The following PIK3R6 variants were observed in gnomAD, a reference collection of about 807,000 sequenced individuals.
PIK3R6 encodes phosphoinositide-3-kinase regulatory subunit 6.
PIK3R6 carries 91 observed loss-of-function variants against 84.9 expected under a neutral mutation model. The ratio of observed to expected loss-of-function variants is 1.07; its 90% CI spans 0.90 to 1.28. The LOEUF is 1.28. Among genes scored for constraint, PIK3R6 ranks in the 50% most tolerant of loss-of-function variants. PIK3R6 has a pLI of 0.00. For synonymous variants in PIK3R6, 416 were observed against 411.4 expected (o/e 1.01, Z -0.13); for missense variants, 996 against 985.1 (o/e 1.01, Z -0.15).
intron 18 of PIK3R6, among the ~76,000 whole-genome samples, chr17:8,805,917 C>CA (rs56856038): frequency 0.03 from 4,035 of 134,624 alleles, 123 homozygotes; most frequent in African/African-American, 0.078. Flanking sequence ...GACTCTGTCT[C>CA]AAAAAAAAAA....
chr17:8,834,100 T>C (rs2088366002), intron 8 of PIK3R6, among the ~76,000 whole-genome samples: 1 of 136,970 alleles, frequency 7.3e-6, no homozygotes, highest in South Asian at 2.3e-4. Context: ...GAGCTTGCAG[T>C]GAGCCGAGAT....
chr17:8,803,289 G>C lies in PIK3R6; in HGVS notation c.2249C>G (p.Ser750Cys). ...CCTGCAGGCTCACTGGACAATACCA[G>C]AGAATGTGTTGATGGGCATCAGAAG... is the stretch of plus-strand genomic sequence containing the variant. The part of the protein sequence containing the change: ...KPLLMPINTF[S>C]GIVQ The change falls in exon 20 of 20, where the codon TCT (serine) becomes TGT (cysteine). Residue 750 changes from serine to cysteine, a missense_variant. Physicochemically the swap from Ser to Cys is moderately radical, Grantham distance 112. Transcript: ENST00000619866. The surrounding 1 kb of genome is among the most constrained non-coding windows in gnomAD (Gnocchi z 5.0). 6.2e-7 allele frequency: 1 copy of C among 1,612,678 alleles called. No individual in the cohort carries two copies. Among genetic ancestry groups the C allele is most frequent in the Non-Finnish European group, 8.5e-7 (1 of 1,179,864 alleles).
At chr17:8,857,816 C>T (rs1209485629) in intron 1 of PIK3R6, among the ~76,000 whole-genome samples, 1 of 150,604 alleles carries the variant, frequency 6.6e-6, no homozygotes, top group Non-Finnish European at 1.5e-5. Context: ...AGGAGAATCG[C>T]TTGAATCCGG....
rs767796619 is a variant in PIK3R6, at chr17:8,828,772, C to G, written c.1108G>C (p.Gly370Arg). 2 of 1,592,236 alleles carry G rather than the reference C, an allele frequency of 1.3e-6. No homozygotes were observed. The highest frequency in any genetic ancestry group is 2.2e-5 in the East Asian group (1 of 44,480). ...GGCCATGCACGCTTCTTGATGCCCC[C>G]TTTGCGCTGCAGCCCGGCTCGCTCC... Reference protein sequence around the residue: ...EMERAGLQRKGGIKKRAWPLD... With the variant: ...EMERAGLQRKRGIKKRAWPLD... The change falls in exon 11 of 20, where the codon GGG becomes CGG. Residue 370 changes from glycine (G) to arginine (R), a missense_variant. Physicochemically the swap from Gly to Arg is moderately radical, Grantham distance 125. Coordinates refer to ENST00000619866, the MANE Select transcript of PIK3R6 (RefSeq NM_001010855.4).
intron 18 of PIK3R6, among the ~76,000 whole-genome samples, chr17:8,818,747 T>C (rs2087623070): frequency 6.6e-6 from 1 of 152,186 alleles, no homozygotes; most frequent in African/African-American, 2.4e-5. Context: ...GGGCTGTTGT[T>C]GTTTAGGAGT....
Position 8,823,005 on chromosome 17 carries a change from A to G in PIK3R6, c.1708T>C (p.Phe570Leu), listed in dbSNP as rs1177532916. ...ELKVKIQDSK[F>L]PKDGFSPRRR... ...GGAGGCAGATGCTTACCTTTGGGGA[A>G]TTTAGAATCTTGGATCTTCACCTTC... Residue 570 changes from phenylalanine (F) to leucine (L), a missense_variant, in exon 15 of 20, where the codon TTC (phenylalanine) becomes CTC (leucine). Transcript: ENST00000619866. 1.9e-6 allele frequency: 3 copies of G among 1,603,806 alleles called. No individual in the cohort carries two copies. Among genetic ancestry groups the G allele is most frequent in the Admixed American group, 3.3e-5 (2 of 59,998 alleles).
intron 2 of PIK3R6, among the ~76,000 whole-genome samples, chr17:8,841,054 T>C (rs1014865477): frequency 1.3e-5 from 2 of 152,114 alleles, no homozygotes; most frequent in African/African-American, 4.8e-5. Flanking sequence ...GCCAAGCCTT[T>C]GCCATTATTT....
intron 17 of PIK3R6, among the ~76,000 whole-genome samples, chr17:8,820,393 T>A (rs1262151422): frequency 2.7e-5 from 4 of 150,662 alleles, no homozygotes; most frequent in African/African-American, 9.9e-5. Context: ...CACAAATTAG[T>A]AGCTACTTAT....
intron 8 of PIK3R6, among the ~76,000 whole-genome samples, chr17:8,834,022 G>A (rs1471216295): frequency 6.6e-6 from 1 of 151,776 alleles, no homozygotes; most frequent in Non-Finnish European, 1.5e-5. Flanking sequence ...TGGGTGTGGT[G>A]GCCGGCGCCT....
chr17:8,819,191 C>A lies in PIK3R6; in HGVS notation c.1887G>T (p.Gly629=). Residue 629 remains glycine (G), a synonymous_variant, in exon 18 of 20, where the codon GGG becomes GGT. Coordinates refer to ENST00000619866, the MANE Select transcript of PIK3R6 (RefSeq NM_001010855.4). ...AIPASDTEVS[G]SSHCPLPAAP... ...CAGCAGGCAGGGGGCAATGGCTAGA[C>A]CCTGAAACTGAATGAGATGGGTGGG... 2 of 1,604,028 alleles carry A rather than the reference C, an allele frequency of 1.2e-6. No homozygotes were observed. The highest frequency in any genetic ancestry group is 2.2e-5 in the South Asian group (2 of 89,260).
chr17:8,837,880 C>G lies in PIK3R6; in HGVS notation c.190-9G>C, dbSNP rs768774646. The G allele has an allele frequency of 6.2e-6, 10 of 1,612,108 alleles. No individual in the cohort carries two copies. Among genetic ancestry groups the G allele is most frequent in the Non-Finnish European group, 8.5e-6 (10 of 1,178,302 alleles). On this transcript the variant is annotated splice_polypyrimidine_tract_variant and intron_variant, in intron 4 of 19. Transcript: ENST00000619866. ...AGGTCCTGGCTTTCCGCCTGGAAAA[C>G]AGGAGATCACGTGACAGGTATTGGG...
At chr17:8,805,574 G>A (rs1375424235) in intron 18 of PIK3R6, among the ~76,000 whole-genome samples, 1 of 152,218 alleles carries the variant, frequency 6.6e-6, no homozygotes, top group Non-Finnish European at 1.5e-5. Flanking sequence ...CCATGACAGA[G>A]GGTAACACTC....
chr17:8,814,794 T>C (rs900269139), intron 18 of PIK3R6, among the ~76,000 whole-genome samples: 2 of 127,180 alleles, frequency 1.6e-5, no homozygotes, highest in African/African-American at 7.4e-5. Flanking sequence ...TTGAAAGATG[T>C]GAGTCTCCAG....
At chr17:8,840,747 A>ATT (rs907581534) in intron 2 of PIK3R6, among the ~76,000 whole-genome samples, 11 of 124,408 alleles carry the variant, frequency 8.8e-5, no homozygotes, top group Non-Finnish European at 1.0e-4. Flanking sequence ...TATTATTATT[A>ATT]TTTTTGTGTG....
At chr17:8,854,602 G>A (rs1254527159) in intron 1 of PIK3R6, among the ~76,000 whole-genome samples, 2 of 152,204 alleles carry the variant, frequency 1.3e-5, no homozygotes, top group African/African-American at 4.8e-5. Context: ...GGAGAAAGGA[G>A]TCTTTTCAAC....
In PIK3R6 at chr17:8,810,598, G is replaced by T. The variant is rs555717523; in HGVS notation, c.1996-6445C>A. On this transcript the variant is annotated intron_variant, in intron 18 of 19. Coordinates refer to ENST00000619866, the MANE Select transcript of PIK3R6 (RefSeq NM_001010855.4). Reference sequence around the variant, plus strand: ...TAGTTACTTCCTAGATACAACAGGGGTACAGGCATTGAGTGAAAACAGCCA... The same window carrying T: ...TAGTTACTTCCTAGATACAACAGGGTTACAGGCATTGAGTGAAAACAGCCA... Among the ~76,000 whole-genome samples the T allele has an allele frequency of 3.4e-5, 5 of 148,604 alleles. 1 individual carries two copies. The East Asian group carries it at 1.2e-3, about 35-fold the overall frequency.
intron 9 of PIK3R6, among the ~76,000 whole-genome samples, chr17:8,830,283 G>T (rs2088188615): frequency 6.6e-6 from 1 of 152,192 alleles, no homozygotes; most frequent in Non-Finnish European, 1.5e-5. Flanking sequence ...ACAAAGTTTG[G>T]GGGCAGCAGG....
chr17:8,859,754 C>T (rs1334958524), intron 1 of PIK3R6, among the ~76,000 whole-genome samples: 7 of 152,204 alleles, frequency 4.6e-5, no homozygotes, highest in South Asian at 2.1e-4. Context: ...CTGAGACTGA[C>T]GCCGTCATCT....
chr17:8,809,016 T>C (rs2087281145), intron 18 of PIK3R6, among the ~76,000 whole-genome samples: 3 of 152,202 alleles, frequency 2.0e-5, no homozygotes, highest in Non-Finnish European at 4.4e-5. Flanking sequence ...GCCAGCTTCA[T>C]TGGAGTATTA....
Sources: gnomAD v4.1 joint callset for allele counts (sites outside exome capture counted in the v4.1 genomes callset) on GRCh38, gnomAD v4.1.1 for gene constraint, Gnocchi (gnomAD v3.1) non-coding constraint, MANE v1.5 for transcripts, NCBI Gene and HGNC (gene_info 2026-07-23, HGNC 2026-07-21) for gene names.